Variants in PANK1 observed in about 807,000 individuals in gnomAD.
The protein encoded by PANK1 is pantothenate kinase 1.
PANK1 carries 18 observed loss-of-function variants against 40.1 expected under a neutral mutation model. The ratio of observed to expected loss-of-function variants is 0.45; its 90% CI spans 0.31 to 0.67. PANK1 has a LOEUF of 0.67. Ranked by LOEUF, PANK1 falls within the 30% of genes least tolerant of loss-of-function variation. PANK1 has a pLI of 0.06. For synonymous variants in PANK1, 242 were observed against 237.7 expected (o/e 1.02, Z -0.17); for missense variants, 457 against 599.6 (o/e 0.76, Z 2.48).
At chr10:89,620,833 G>A (rs1251188869) in intron 1 of PANK1, among the ~76,000 whole-genome samples, 1 of 152,232 alleles carries the variant, frequency 6.6e-6, no homozygotes, top group Non-Finnish European at 1.5e-5. Context: ...TGTAAAATTT[G>A]TCTCTTTGTA....
chr10:89,590,045 AAAAG>A (rs1474710187), intron 5 of PANK1, among the ~76,000 whole-genome samples: 3 of 151,516 alleles, frequency 2.0e-5, no homozygotes, highest in East Asian at 1.9e-4. Context: ...GAAAAAAAAA[AAAAG>A]AAAGAAAGAA....
At chr10:89,584,932 C>G (rs1409958719) in intron 6 of PANK1, among the ~76,000 whole-genome samples, 1 of 152,120 alleles carries the variant, frequency 6.6e-6, no homozygotes, top group East Asian at 1.9e-4. Context: ...TTAAATTAGT[C>G]CAAGCCTTAC....
chr10:89,640,392 TACACACACACAC>T (rs34655029), intron 1 of PANK1, among the ~76,000 whole-genome samples: 5 of 149,954 alleles, frequency 3.3e-5, no homozygotes, highest in Non-Finnish European at 5.9e-5. Flanking sequence ...AAGGAGAGAA[TACACACACACAC>T]ACACACACAC....
intron 1 of PANK1, among the ~76,000 whole-genome samples, chr10:89,631,000 C>G (rs148277610): frequency 2.0e-5 from 3 of 152,262 alleles, no homozygotes; most frequent in Non-Finnish European, 4.4e-5. Context: ...AACTGCATCT[C>G]TAAACAAACA....
intron 3 of PANK1, among the ~76,000 whole-genome samples, chr10:89,598,487 T>G (rs916694139): frequency 6.6e-6 from 1 of 152,266 alleles, no homozygotes; most frequent in Non-Finnish European, 1.5e-5. Context: ...ATGGGTTCTA[T>G]GGTTCCACAT....
chr10:89,626,968 G>A (rs748435934), intron 1 of PANK1, among the ~76,000 whole-genome samples: 2 of 152,190 alleles, frequency 1.3e-5, no homozygotes, highest in Non-Finnish European at 2.9e-5. Context: ...AGGGAGAACA[G>A]CATTGCTGGG....
chr10:89,587,602 A>G (rs1228817245), intron 6 of PANK1, among the ~76,000 whole-genome samples: 1 of 152,236 alleles, frequency 6.6e-6, no homozygotes, highest in Non-Finnish European at 1.5e-5. Flanking sequence ...AAGGAGGTGC[A>G]TAATATTGTA....
intron 1 of PANK1, among the ~76,000 whole-genome samples, chr10:89,617,419 T>A (rs1027271898): frequency 1.3e-5 from 2 of 152,226 alleles, no homozygotes; most frequent in African/African-American, 4.8e-5. Flanking sequence ...GTTAGTAGCA[T>A]GTATTCATTA....
At chr10:89,581,451 C>G (rs1180015361), downstream of PANK1, 2 of 152,162 alleles carry the variant, frequency 1.3e-5, no homozygotes, top group Non-Finnish European at 2.9e-5. Flanking sequence ...GACAGTCTCA[C>G]TCTGTCTCCC....
Position 89,644,600 on chromosome 10 carries a change from G to A in PANK1, c.292C>T (p.Pro98Ser), listed in dbSNP as rs1375495683. The part of the protein sequence containing the change: ...RMDSGRKNRP[P>S]FPWFGMDIGG... ...GCGCTCCCCTCCCAGCGGGACTTAC[G>A]CGGCCTGTTCTTTCTCCCCGAGTCC... Residue 98 changes from proline (P) to serine (S), a missense_variant and splice_region_variant, in exon 1 of 7, where the codon CCA becomes TCA. This residue lies in a region of PANK1 where 286 missense variants were observed against 415.8 expected (regional missense o/e 0.69). Transcript: ENST00000307534. 2 of 1,588,780 alleles carry A rather than the reference G, an allele frequency of 1.3e-6. No homozygotes were observed. Among genetic ancestry groups the A allele is most frequent in the African/African-American group, 1.4e-5 (1 of 72,552 alleles).
At position 89,611,695 on chromosome 10, in the gene PANK1, C is replaced by A; in HGVS notation, c.645+1G>T. ...TTTTAACAAAGACAAACCCGACCTA[C>A]CATTCTGAAGTCCTCTTCGAATTTG... is the stretch of plus-strand genomic sequence containing the variant. On this transcript the variant is annotated splice_donor_variant, in intron 2 of 6. Coordinates refer to ENST00000307534, the MANE Select transcript of PANK1 (RefSeq NM_148977.3). LOFTEE classifies it high-confidence loss of function. 1 of 1,594,838 alleles carries A rather than the reference C, an allele frequency of 6.3e-7. No individual in the cohort carries two copies. The highest frequency in any genetic ancestry group is 8.6e-7 in the Non-Finnish European group (1 of 1,168,514).
At chr10:89,619,678 T>C (rs931723055) in intron 1 of PANK1, among the ~76,000 whole-genome samples, 1 of 152,206 alleles carries the variant, frequency 6.6e-6, no homozygotes, top group African/African-American at 2.4e-5. Flanking sequence ...AGCCAGTTGC[T>C]GCCATGGAGA....
intron 2 of PANK1, among the ~76,000 whole-genome samples, chr10:89,606,679 A>C (rs867225351): frequency 7.2e-5 from 11 of 152,244 alleles, no homozygotes; most frequent in African/African-American, 2.6e-4. Context: ...GTGCACCACC[A>C]CATCTGGCTA....
intron 2 of PANK1, among the ~76,000 whole-genome samples, chr10:89,602,012 C>T (rs2133946783): frequency 6.6e-6 from 1 of 152,316 alleles, no homozygotes; most frequent in East Asian, 1.9e-4. Context: ...GCTTAATAAA[C>T]ATTTATTATG....
intron 1 of PANK1, among the ~76,000 whole-genome samples, chr10:89,643,105 A>T (rs1842013372): frequency 6.6e-6 from 1 of 152,190 alleles, no homozygotes; most frequent in African/African-American, 2.4e-5. Flanking sequence ...GAGGTGTTAT[A>T]TCCTCAATTA....
At chr10:89,639,663 C>G (rs1437584566) in intron 1 of PANK1, among the ~76,000 whole-genome samples, 2 of 152,190 alleles carry the variant, frequency 1.3e-5, no homozygotes, top group Non-Finnish European at 2.9e-5. Context: ...ACCACAGAAC[C>G]CTACCCACAC....
At position 89,584,081 on chromosome 10, in the gene PANK1, A is replaced by C; in HGVS notation, c.*325T>G. ...AGTAAACCCCAGAAGAAAAATGACC[A>C]GCGCTTACATATCAGGTCCTTCTTA... On this transcript the variant is annotated 3_prime_UTR_variant, in exon 7 of 7. Coordinates refer to ENST00000307534, the MANE Select transcript of PANK1 (RefSeq NM_148977.3). 24 of 212,242 alleles carry C rather than the reference A, an allele frequency of 1.1e-4. No homozygotes were observed. The highest frequency in any genetic ancestry group is 5.1e-4 in the East Asian group (5 of 9,872). 13.1% of individuals were successfully genotyped at this position (212,242 alleles called of 1,614,324 possible).
rs534557105 is a variant in PANK1, at chr10:89,643,620, T to G, written c.292+980A>C. On this transcript the variant is annotated intron_variant, in intron 1 of 6. Coordinates refer to ENST00000307534, the MANE Select transcript of PANK1 (RefSeq NM_148977.3). ...TAAACTTTCACAGAAATCCAAAACC[T>G]ACTTAACAATTTCCCTATATCGAAC... 355 of 1,120,940 alleles carry G rather than the reference T, an allele frequency of 3.2e-4. 3 individuals are homozygous for G. The South Asian group carries it at 4.4e-3, about 14-fold the overall frequency. The allele number at this position is 1,120,940 out of a possible 1,614,324, so 69.4% of individuals were successfully genotyped here.
chr10:89,595,825 AAAAAAAAAATATATAT>A (rs1483226667), intron 3 of PANK1, among the ~76,000 whole-genome samples: 2 of 69,384 alleles, frequency 2.9e-5, no homozygotes, highest in African/African-American at 1.3e-4. Context: ...TTAAAAAAAA[AAAAAAAAAATATATAT>A]ATATATATAT....
Sources: allele counts gnomAD v4.1 joint callset (sites outside exome capture counted in the v4.1 genomes callset), GRCh38; gene constraint gnomAD v4.1.1; regional missense constraint gnomAD v4.1.1; transcripts MANE v1.5; gene names NCBI Gene and HGNC (gene_info 2026-07-23, HGNC 2026-07-21).